ROBO2: variants seen among roughly 807,000 people sequenced by gnomAD.
ROBO2 encodes roundabout homolog 2.
Under a neutral mutation model 160.8 loss-of-function variants are expected in ROBO2, and 53 were observed. The ratio of observed to expected loss-of-function variants is 0.33; its 90% CI spans 0.26 to 0.41. The LOEUF (loss-of-function observed/expected upper bound fraction) is 0.41. Ranked by LOEUF, ROBO2 falls within the 10% of genes least tolerant of loss-of-function variation. ROBO2 has a pLI of 1.00. For synonymous variants in ROBO2, 664 were observed against 611.7 expected (o/e 1.09, Z -1.26); for missense variants, 1,577 against 1,722.4 (o/e 0.92, Z 1.49).
chr3:76,925,168 G>A (rs543689298), intron 2 of ROBO2, among the ~76,000 whole-genome samples: 28 of 140,796 alleles, frequency 2.0e-4, no homozygotes, highest in Non-Finnish European at 3.3e-4. Context: ...CCGAGATCCC[G>A]CCACTGCACT....
chr3:76,166,619 C>T (rs535101383), intron 2 of ROBO2, among the ~76,000 whole-genome samples: 3 of 152,150 alleles, frequency 2.0e-5, no homozygotes, highest in East Asian at 1.9e-4. Flanking sequence ...ATGATAGCCC[C>T]GTTCAGCTAT....
chr3:77,086,613 A>G (rs1371773513), intron 1 of ROBO2, among the ~76,000 whole-genome samples: 2 of 152,138 alleles, frequency 1.3e-5, no homozygotes, highest in Admixed American at 1.3e-4. Flanking sequence ...ACATTTTTAC[A>G]AATAATGGAG....
intron 2 of ROBO2, among the ~76,000 whole-genome samples, chr3:76,266,616 A>C (rs1049195568): frequency 1.3e-5 from 2 of 152,120 alleles, no homozygotes; most frequent in African/African-American, 4.8e-5. Flanking sequence ...GGTCATACAG[A>C]GTAACATTGG....
At chr3:77,104,422 T>C (rs556900079) in intron 2 of ROBO2, among the ~76,000 whole-genome samples, 1 of 152,322 alleles carries the variant, frequency 6.6e-6, no homozygotes, top group South Asian at 2.1e-4. Context: ...TATTGCTCAA[T>C]AATATTTCAT....
At chr3:77,562,422 T>G (rs2093351160) in intron 9 of ROBO2, among the ~76,000 whole-genome samples, 1 of 152,048 alleles carries the variant, frequency 6.6e-6, no homozygotes, top group Non-Finnish European at 1.5e-5. Context: ...AAATTAACAT[T>G]GAGGTGCATA....
chr3:77,141,328 A>G, intron 2 of ROBO2, among the ~76,000 whole-genome samples: 1 of 150,774 alleles, frequency 6.6e-6, no homozygotes, highest in South Asian at 2.1e-4. Flanking sequence ...ACTCTTTTAT[A>G]AACAGCCATT....
intron 5 of ROBO2, among the ~76,000 whole-genome samples, chr3:77,518,582 G>A (rs1015556659): frequency 1.3e-5 from 2 of 151,452 alleles, no homozygotes; most frequent in Non-Finnish European, 3.0e-5. Context: ...GCTGGAGAGA[G>A]CCAAGGAGGT....
At chr3:76,429,886 T>C (rs1404243751) in intron 2 of ROBO2, among the ~76,000 whole-genome samples, 1 of 152,168 alleles carries the variant, frequency 6.6e-6, no homozygotes, top group Admixed American at 6.5e-5. Flanking sequence ...AATCTGCTCC[T>C]GACTCAGGAC....
At chr3:76,045,826 T>G (rs779396411) in intron 2 of ROBO2, among the ~76,000 whole-genome samples, 70 of 152,160 alleles carry the variant, frequency 4.6e-4, no homozygotes, top group Non-Finnish European at 8.5e-4. Context: ...CCTTCCTCTC[T>G]CTTCCTCTTC....
intron 5 of ROBO2, among the ~76,000 whole-genome samples, chr3:77,519,543 T>G (rs1369562275): frequency 6.6e-6 from 1 of 151,290 alleles, no homozygotes; most frequent in Non-Finnish European, 1.5e-5. Flanking sequence ...CAGTGTCTAT[T>G]GTTTCCATCT....
chr3:76,239,247 A>G (rs761219636), intron 2 of ROBO2, among the ~76,000 whole-genome samples: 1 of 152,122 alleles, frequency 6.6e-6, no homozygotes, highest in Non-Finnish European at 1.5e-5. Context: ...GTCAGCCACA[A>G]TGTCCTAATT....
chr3:77,271,084 A>AT (rs1276217869), intron 2 of ROBO2, among the ~76,000 whole-genome samples: 8 of 152,074 alleles, frequency 5.3e-5, no homozygotes, highest in African/African-American at 1.7e-4. Context: ...GGATTTCCAC[A>AT]TTTTTTGTGC....
chr3:75,913,430 G>A (rs767835084), intron 1 of ROBO2, among the ~76,000 whole-genome samples: 1 of 152,140 alleles, frequency 6.6e-6, no homozygotes, highest in South Asian at 2.1e-4. Context: ...TAATATTTTT[G>A]TGCCTTGAGA....
chr3:77,403,070 C>G (rs1016861398), intron 2 of ROBO2, among the ~76,000 whole-genome samples: 1 of 152,040 alleles, frequency 6.6e-6, no homozygotes, highest in Non-Finnish European at 1.5e-5. Flanking sequence ...CAATGATAGA[C>G]CAAACATTTT....
intron 2 of ROBO2, among the ~76,000 whole-genome samples, chr3:77,381,978 A>AT (rs34027532): frequency 0.19 from 29,006 of 152,080 alleles, 3,482 homozygotes; most frequent in East Asian, 0.49. Flanking sequence ...AGGAGAATGC[A>AT]TTTTCAATCC....
intron 2 of ROBO2, among the ~76,000 whole-genome samples, chr3:77,228,007 A>AGAG (rs2086693786): frequency 1.3e-5 from 2 of 152,266 alleles, no homozygotes; most frequent in African/African-American, 4.8e-5. Flanking sequence ...TGCTGAACTT[A>AGAG]AAGCCAACAC....
intron 2 of ROBO2, among the ~76,000 whole-genome samples, chr3:76,662,535 G>T (rs989898411): frequency 6.6e-6 from 1 of 151,038 alleles, no homozygotes; most frequent in Non-Finnish European, 1.5e-5. Flanking sequence ...TTTTTTAAGA[G>T]AATAAAAATA....
At chr3:76,101,037 CAG>C (rs2069662187) in intron 2 of ROBO2, among the ~76,000 whole-genome samples, 1 of 149,884 alleles carries the variant, frequency 6.7e-6, no homozygotes, top group African/African-American at 2.5e-5. Flanking sequence ...AAAAAAAAAA[CAG>C]AGAGCCAAGG....
intron 2 of ROBO2, among the ~76,000 whole-genome samples, chr3:76,367,479 A>T (rs2075879269): frequency 6.6e-6 from 1 of 151,966 alleles, no homozygotes; most frequent in Non-Finnish European, 1.5e-5. Flanking sequence ...CCCTGACTCG[A>T]TGGGAAAAAT....
Sources: gnomAD v4.1 joint callset for allele counts (sites outside exome capture counted in the v4.1 genomes callset) on GRCh38, gnomAD v4.1.1 for gene constraint, MANE v1.5 for transcripts, NCBI Gene and HGNC (gene_info 2026-07-23, HGNC 2026-07-21) for gene names.